The following TEC variants were observed in gnomAD, a reference collection of about 807,000 sequenced individuals.
The protein encoded by TEC is tec protein tyrosine kinase.
A neutral mutation model predicts 93.0 loss-of-function variants in TEC; 72 were observed. The observed-to-expected ratio is 0.77, with a 90% CI of 0.64 to 0.94. The LOEUF (loss-of-function observed/expected upper bound fraction) is 0.94, where lower values mean the gene tolerates loss of function less well. Among genes scored for constraint, TEC ranks in the 40% least tolerant of loss-of-function variants. The probability of loss-of-function intolerance (pLI) is 0.00; values close to 1 mark genes in which losing one functional copy is unlikely to be tolerated. For synonymous variants in TEC, 249 were observed against 247.7 expected (o/e 1.01, Z -0.05); for missense variants, 630 against 757.9 (o/e 0.83, Z 1.98).
intron 1 of TEC, among the ~76,000 whole-genome samples, chr4:48,260,145 G>T (rs993210871): frequency 6.6e-6 from 1 of 152,122 alleles, no homozygotes; most frequent in African/African-American, 2.4e-5. Flanking sequence ...CTATAACTGG[G>T]TACATAACAT....
chr4:48,140,945 A>G (rs1286209235), intron 15 of TEC, among the ~76,000 whole-genome samples: 1 of 152,108 alleles, frequency 6.6e-6, no homozygotes, highest in African/African-American at 2.4e-5. Flanking sequence ...CAGGCACCTG[A>G]TTTTTTATGG....
chr4:48,148,887 A>G (rs950957233), intron 11 of TEC, among the ~76,000 whole-genome samples: 12 of 151,918 alleles, frequency 7.9e-5, no homozygotes, highest in South Asian at 2.1e-4. Flanking sequence ...ATGTATTCCT[A>G]TTATTTAGCT....
chr4:48,169,139 C>T (rs1720999428), intron 5 of TEC, among the ~76,000 whole-genome samples: 2 of 152,072 alleles, frequency 1.3e-5, no homozygotes, highest in South Asian at 4.2e-4. Flanking sequence ...AAAAGGATTC[C>T]CCATGGGCAT....
At chr4:48,187,550 T>C (rs1479020915) in intron 2 of TEC, among the ~76,000 whole-genome samples, 2 of 152,220 alleles carry the variant, frequency 1.3e-5, no homozygotes, top group African/African-American at 4.8e-5. Flanking sequence ...ATATTTTCAC[T>C]GTATTTAAAA....
chr4:48,236,810 G>A (rs1031147347), intron 1 of TEC, among the ~76,000 whole-genome samples: 187 of 152,276 alleles, frequency 1.2e-3, no homozygotes, highest in African/African-American at 4.2e-3. Context: ...TCTATCCAGC[G>A]TTGCAAATCT....
intron 1 of TEC, among the ~76,000 whole-genome samples, chr4:48,257,362 T>C (rs1356108799): frequency 6.6e-6 from 1 of 152,192 alleles, no homozygotes; most frequent in Non-Finnish European, 1.5e-5. Context: ...TGGGGTGATA[T>C]CCAGAGAAAC....
At chr4:48,251,987 A>T (rs1383483701) in intron 1 of TEC, among the ~76,000 whole-genome samples, 4 of 152,202 alleles carry the variant, frequency 2.6e-5, no homozygotes, top group Non-Finnish European at 5.9e-5. Context: ...AATGGAAGAG[A>T]GAAAAGACCA....
At chr4:48,251,735 T>C (rs2109669060) in intron 1 of TEC, among the ~76,000 whole-genome samples, 1 of 152,282 alleles carries the variant, frequency 6.6e-6, no homozygotes, top group East Asian at 1.9e-4. Flanking sequence ...TAACAGCCTT[T>C]ATTATAAAAA....
chr4:48,151,228 A>G (rs1442525935), intron 9 of TEC, among the ~76,000 whole-genome samples: 2 of 152,214 alleles, frequency 1.3e-5, no homozygotes, highest in Non-Finnish European at 2.9e-5. Flanking sequence ...ATAATCTCTC[A>G]GTGCCCTTCC....
chr4:48,171,204 A>G (rs1227398029), intron 4 of TEC, among the ~76,000 whole-genome samples, 164 bp downstream of exon 4: 1 of 152,276 alleles, frequency 6.6e-6, no homozygotes, highest in Admixed American at 6.5e-5. Flanking sequence ...GTTATCTTCA[A>G]TATGCTGGTA....
chr4:48,224,516 A>T (rs147653735), intron 2 of TEC, among the ~76,000 whole-genome samples: 1 of 152,228 alleles, frequency 6.6e-6, no homozygotes, highest in Non-Finnish European at 1.5e-5. Flanking sequence ...AGAAAGCAAC[A>T]TCACTTATGA....
intron 4 of TEC, 128 bp from the exon 5 acceptor site, chr4:48,170,504 A>G: frequency 1.6e-6 from 1 of 609,968 alleles, no homozygotes; most frequent in South Asian, 3.1e-5. Flanking sequence ...CCCTTAGATC[A>G]CAGGACTCAG....
chr4:48,239,484 C>T (rs1462092382), intron 1 of TEC, among the ~76,000 whole-genome samples: 9 of 136,408 alleles, frequency 6.6e-5, no homozygotes, highest in Admixed American at 3.0e-4. Context: ...GGAAACAATA[C>T]AAGTGAAAAT....
chr4:48,151,277 T>A (rs1226355581), intron 9 of TEC, among the ~76,000 whole-genome samples: 1 of 152,218 alleles, frequency 6.6e-6, no homozygotes, highest in East Asian at 1.9e-4. Context: ...CTGTAAGGCC[T>A]GGACATGTAG....
At chr4:48,192,525 A>C (rs1722129144) in intron 2 of TEC, among the ~76,000 whole-genome samples, 1 of 152,192 alleles carries the variant, frequency 6.6e-6, no homozygotes, top group Non-Finnish European at 1.5e-5. Flanking sequence ...TATAATGCTG[A>C]AAAAAATATG....
intron 2 of TEC, among the ~76,000 whole-genome samples, chr4:48,200,091 C>A (rs1371663273): frequency 1.3e-5 from 2 of 152,156 alleles, no homozygotes; most frequent in Non-Finnish European, 2.9e-5. Flanking sequence ...GAAATCTAAT[C>A]TAATCTGGAA....
chr4:48,247,108 CAT>C (rs1038398871), intron 1 of TEC, among the ~76,000 whole-genome samples: 7 of 151,200 alleles, frequency 4.6e-5, no homozygotes, highest in African/African-American at 1.7e-4. Flanking sequence ...TCTCCAAAAA[CAT>C]ATATGAATGG....
At chr4:48,240,383 A>C (rs1429960527) in intron 1 of TEC, among the ~76,000 whole-genome samples, 1 of 152,124 alleles carries the variant, frequency 6.6e-6, no homozygotes, top group Non-Finnish European at 1.5e-5. Flanking sequence ...GACAAACAAC[A>C]CAAGAAAAAG....
In TEC at chr4:48,171,466, G is replaced by T. The variant is rs1354182585; in HGVS notation, c.244-17C>A. 4.3e-6 allele frequency: 7 copies of T among 1,609,632 alleles called. No individual in the cohort carries two copies. In the South Asian group the frequency reaches 7.7e-5, roughly 18 times the overall value. On this transcript the variant is annotated splice_polypyrimidine_tract_variant and intron_variant, in intron 3 of 17. Transcript: ENST00000381501. ...ATGAACAACCTAAAATAAAACAAAA[G>T]ATGGAATTGGTGAAGAGGACTTAGA...
Sources: allele counts gnomAD v4.1 joint callset (sites outside exome capture counted in the v4.1 genomes callset), GRCh38; gene constraint gnomAD v4.1.1; transcripts MANE v1.5; gene names NCBI Gene and HGNC (gene_info 2026-07-23, HGNC 2026-07-21).